DLGAP2: variants seen among roughly 807,000 people sequenced by gnomAD.
DLGAP2 encodes the protein disks large-associated protein 2.
A neutral mutation model predicts 100.3 loss-of-function variants in DLGAP2; 26 were observed. The ratio of observed to expected loss-of-function variants is 0.26; its 90% CI spans 0.19 to 0.36. The LOEUF (loss-of-function observed/expected upper bound fraction) is 0.36. Ranked by LOEUF, DLGAP2 falls within the 10% of genes least tolerant of loss-of-function variation. The probability of loss-of-function intolerance (pLI) is 1.00; values close to 1 mark genes in which losing one functional copy is unlikely to be tolerated. For synonymous variants in DLGAP2, 886 were observed against 630.1 expected, an observed-to-expected ratio of 1.41 and a Z score of -6.08; for missense variants, 1,858 against 1,453.2, an observed-to-expected ratio of 1.28 and a Z score of -4.53.
Position 1,344,523 on chromosome 8 carries a change from G to A in DLGAP2, c.106+85640G>A, listed in dbSNP as rs370321737. On this transcript the variant is annotated intron_variant, in intron 3 of 14. Coordinates refer to ENST00000637795, the MANE Select transcript of DLGAP2 (RefSeq NM_001346810.2). ...CCTCAGTTTCCCTATCTGTAAAATC[G>A]GAATATTCACATTTTCTCCATAAGG... Among the ~76,000 whole-genome samples the A allele has an allele frequency of 1.4e-4, 21 of 152,094 alleles. No homozygotes were observed. The East Asian group carries it at 1.9e-3, about 14-fold the overall frequency.
At chr8:1,417,570 A>T (rs187356401) in intron 3 of DLGAP2, among the ~76,000 whole-genome samples, 2 of 141,078 alleles carry the variant, frequency 1.4e-5, no homozygotes, top group Non-Finnish European at 3.1e-5. Context: ...ACAGGGGAGG[A>T]GAGGAGAAAA....
chr8:1,492,754 C>T (rs898480438), intron 3 of DLGAP2, among the ~76,000 whole-genome samples: 13 of 152,180 alleles, frequency 8.5e-5, no homozygotes, highest in African/African-American at 2.4e-4. Flanking sequence ...CTCATGGCGA[C>T]GCAGCCGATT....
At chr8:1,499,177 G>C (rs892707881) in intron 3 of DLGAP2, among the ~76,000 whole-genome samples, 1 of 152,350 alleles carries the variant, frequency 6.6e-6, no homozygotes, top group African/African-American at 2.4e-5. Context: ...GCAGGCTTCC[G>C]ATACCAAGCT....
chr8:1,307,879 A>G (rs1800526562), intron 3 of DLGAP2, among the ~76,000 whole-genome samples: 1 of 152,148 alleles, frequency 6.6e-6, no homozygotes, highest in Non-Finnish European at 1.5e-5. Flanking sequence ...GGGAAGGAGA[A>G]CTAGGTAGTT....
intron 2 of DLGAP2, among the ~76,000 whole-genome samples, chr8:1,169,494 T>C (rs1041865380): frequency 6.6e-6 from 1 of 152,206 alleles, no homozygotes; most frequent in African/African-American, 2.4e-5. Context: ...TTTCATGATA[T>C]TGATTCTTCC....
chr8:1,544,095 G>A (rs1451030844), intron 4 of DLGAP2, among the ~76,000 whole-genome samples: 1 of 151,924 alleles, frequency 6.6e-6, no homozygotes, highest in Non-Finnish European at 1.5e-5. Flanking sequence ...TTAAAGACAG[G>A]GTTTGCCATG....
At chr8:1,060,736 A>G (rs975262857) in intron 2 of DLGAP2, among the ~76,000 whole-genome samples, 3 of 152,116 alleles carry the variant, frequency 2.0e-5, no homozygotes, top group Non-Finnish European at 4.4e-5. Flanking sequence ...ACTGCCCCAC[A>G]TTTCAGGGCA....
intron 2 of DLGAP2, among the ~76,000 whole-genome samples, chr8:1,094,048 C>T (rs1453070388): frequency 2.7e-5 from 4 of 150,706 alleles, no homozygotes; most frequent in Non-Finnish European, 5.9e-5. Flanking sequence ...GAGGGCAGCT[C>T]CGCGGTGGAG....
intron 2 of DLGAP2, among the ~76,000 whole-genome samples, chr8:1,004,676 T>C (rs1801054950): frequency 6.6e-6 from 1 of 152,122 alleles, no homozygotes; most frequent in African/African-American, 2.4e-5. Context: ...TTAATTTCAT[T>C]TTCTTAGGAA....
At chr8:1,117,614 G>A (rs1231125336) in intron 2 of DLGAP2, among the ~76,000 whole-genome samples, 1 of 152,202 alleles carries the variant, frequency 6.6e-6, no homozygotes, top group African/African-American at 2.4e-5. Flanking sequence ...AGGGTGGGAT[G>A]GACGCTGAGT....
intron 2 of DLGAP2, among the ~76,000 whole-genome samples, chr8:967,849 TATATATATATATATATATATATATAA>T (rs1444988305): frequency 3.8e-5 from 3 of 78,800 alleles, no homozygotes; most frequent in Admixed American, 1.1e-4. Flanking sequence ...TATATATATA[TATATATATATATATATATATATATAA>T]ATACTTTAAA....
chr8:1,036,840 T>C (rs895702075), intron 2 of DLGAP2, among the ~76,000 whole-genome samples: 6 of 152,084 alleles, frequency 3.9e-5, no homozygotes, highest in African/African-American at 1.4e-4. Context: ...GCCCTCAAAA[T>C]AATAAAAGGT....
intron 10 of DLGAP2, among the ~76,000 whole-genome samples, chr8:1,674,999 G>A (rs1001571803): frequency 1.3e-5 from 2 of 152,216 alleles, no homozygotes; most frequent in African/African-American, 4.8e-5. Context: ...CTAGAAACGG[G>A]AATGGTAAAT....
chr8:1,067,885 C>T (rs930544155), intron 2 of DLGAP2, among the ~76,000 whole-genome samples: 17 of 151,946 alleles, frequency 1.1e-4, no homozygotes, highest in Admixed American at 7.2e-4. Context: ...TGTTTGATGA[C>T]GACACACCCC....
chr8:1,250,080 C>T (rs1487136221), intron 2 of DLGAP2, among the ~76,000 whole-genome samples: 4 of 152,120 alleles, frequency 2.6e-5, no homozygotes, highest in Non-Finnish European at 5.9e-5. Flanking sequence ...GGGGTTTCAC[C>T]ATGTTGGTCA....
chr8:1,282,666 G>T (rs1203490478), intron 3 of DLGAP2, among the ~76,000 whole-genome samples: 1 of 135,876 alleles, frequency 7.4e-6, no homozygotes, highest in Non-Finnish European at 1.6e-5. Context: ...TCCAGACGTG[G>T]TGTGACCTGA....
chr8:1,589,280 T>C (rs749602988), intron 6 of DLGAP2, among the ~76,000 whole-genome samples: 5 of 152,248 alleles, frequency 3.3e-5, no homozygotes, highest in African/African-American at 4.8e-5. Context: ...AACACTGCAT[T>C]TAAAAACAAA....
chr8:1,409,537 G>T (rs757982792), intron 3 of DLGAP2, among the ~76,000 whole-genome samples: 1 of 152,214 alleles, frequency 6.6e-6, no homozygotes, highest in South Asian at 2.1e-4. Flanking sequence ...AACCCTCCTC[G>T]CTTCCCAGCC....
chr8:1,167,478 A>C (rs537720602), intron 2 of DLGAP2, among the ~76,000 whole-genome samples: 1 of 152,176 alleles, frequency 6.6e-6, no homozygotes, highest in African/African-American at 2.4e-5. Context: ...TGTCAAACCC[A>C]TGGTGTTTCT....
Sources: gnomAD v4.1 joint callset for allele counts (sites outside exome capture counted in the v4.1 genomes callset) on GRCh38, gnomAD v4.1.1 for gene constraint, MANE v1.5 for transcripts, NCBI Gene and HGNC (gene_info 2026-07-23, HGNC 2026-07-21) for gene names.